PTPRN2: variants seen among roughly 807,000 people sequenced by gnomAD.
PTPRN2 encodes protein tyrosine phosphatase receptor type N2.
A neutral mutation model predicts 118.8 loss-of-function variants in PTPRN2; 74 were observed. The ratio of observed to expected loss-of-function variants is 0.62; its 90% confidence interval spans 0.52 to 0.76. PTPRN2 has a LOEUF of 0.76. Ranked by LOEUF, PTPRN2 falls within the 30% of genes least tolerant of loss-of-function variation. The pLI, the probability that PTPRN2 is intolerant of heterozygous loss-of-function variation, is 0.00. For missense variants in PTPRN2, 1,481 were observed against 1,394.4 expected, an observed-to-expected ratio of 1.06 and a Z score of -0.99; for synonymous variants, 641 against 608.0, an observed-to-expected ratio of 1.05 and a Z score of -0.80.
rs770483134 is a variant in PTPRN2 at position 157,632,247 on chromosome 7, C to T, written c.2197-10738G>A. 1.4e-4 allele frequency among the ~76,000 whole-genome samples: 22 copies of T among 152,202 alleles called. No individual in the cohort carries two copies. The highest frequency in any genetic ancestry group is 4.4e-5 in the Non-Finnish European group (3 of 68,040). On this transcript the variant is annotated intron_variant, in intron 14 of 22. Transcript: ENST00000389418. The surrounding 1 kb of genome is among the most constrained non-coding windows in gnomAD (Gnocchi z 4.3). ...CACAGCCGGCCCAGTCTCTGCCTCACCTCTAGAAGGACTGCATGAAGACCT... is the reference window on the plus strand; with the variant it reads ...CACAGCCGGCCCAGTCTCTGCCTCATCTCTAGAAGGACTGCATGAAGACCT...
rs147788091 is a variant in PTPRN2 at position 158,474,664 on chromosome 7, G to A, written c.163+15071C>T. Among the ~76,000 whole-genome samples, 713 of 152,210 alleles carry A rather than the reference G, an allele frequency of 4.7e-3. 4 individuals are homozygous for A. The highest frequency in any genetic ancestry group is 7.9e-3 in the Non-Finnish European group (536 of 67,994). On this transcript the variant is annotated intron_variant, in intron 2 of 22. Coordinates refer to ENST00000389418, the MANE Select transcript of PTPRN2 (RefSeq NM_002847.5). ...CTCTTCCCAAGGTCAGCTAAGAGGC[G>A]GGTGCCCGTCTGAGAGGGACCCTTT...
At chr7:158,127,313 C>T (rs1048785886) in intron 9 of PTPRN2, among the ~76,000 whole-genome samples, 1 of 150,812 alleles carries the variant, frequency 6.6e-6, no homozygotes, top group Non-Finnish European at 1.5e-5. Context: ...GTGCACCCTG[C>T]GTCCTCCTCT....
At chr7:158,431,283 C>T (rs1816152680) in intron 2 of PTPRN2, among the ~76,000 whole-genome samples, 1 of 149,804 alleles carries the variant, frequency 6.7e-6, no homozygotes, top group Admixed American at 6.6e-5. Context: ...TCAACACTGG[C>T]TCAAACTGGG....
At chr7:158,330,682 A>T (rs1804186355) in intron 2 of PTPRN2, among the ~76,000 whole-genome samples, 3 of 100,978 alleles carry the variant, frequency 3.0e-5, no homozygotes, top group African/African-American at 9.1e-5. Context: ...GCTGAGGCAC[A>T]AAGAGGTCAC....
chr7:158,491,911 G>A (rs1483788723), intron 1 of PTPRN2, among the ~76,000 whole-genome samples: 1 of 152,232 alleles, frequency 6.6e-6, no homozygotes, highest in Non-Finnish European at 1.5e-5. Context: ...CGGCCTACAG[G>A]AGCGTGGCAG....
At chr7:158,530,064 A>C (rs1197690083) in intron 1 of PTPRN2, among the ~76,000 whole-genome samples, 1 of 152,210 alleles carries the variant, frequency 6.6e-6, no homozygotes, top group Non-Finnish European at 1.5e-5. Context: ...GAGGGAAAAC[A>C]GAGAGAATGC....
rs533543083 is a variant in PTPRN2 at position 158,509,501 on chromosome 7, T to C, written c.113-19716A>G. On this transcript the variant is annotated intron_variant, in intron 1 of 22. Coordinates refer to ENST00000389418, the MANE Select transcript of PTPRN2 (RefSeq NM_002847.5). The surrounding 1 kb of genome is among the most constrained non-coding windows in gnomAD (Gnocchi z 4.4). ...CACACTGGGACTTGGTGTCCAGTCC[T>C]CATCTCTTCTTTCTAGAAACCCAAG... 6.6e-5 allele frequency among the ~76,000 whole-genome samples: 10 copies of C among 152,356 alleles called. No homozygotes were observed. Among genetic ancestry groups the C allele is most frequent in the African/African-American group, 2.2e-4 (9 of 41,580 alleles).
At chr7:157,942,168 C>T (rs1394657111) in intron 11 of PTPRN2, among the ~76,000 whole-genome samples, 1 of 35,524 alleles carries the variant, frequency 2.8e-5, no homozygotes, top group East Asian at 1.7e-3. Flanking sequence ...CCTCCACACA[C>T]AGGGGTCCTC....
chr7:158,071,073 TGGTGG>T (rs1811399487), intron 11 of PTPRN2, among the ~76,000 whole-genome samples: 1 of 80,052 alleles, frequency 1.2e-5, no homozygotes, highest in African/African-American at 6.1e-5. Flanking sequence ...GTGCTCGTGG[TGGTGG>T]AGGTGCCCGT....
At chr7:157,969,935 C>T (rs541568449) in intron 11 of PTPRN2, among the ~76,000 whole-genome samples, 7 of 152,144 alleles carry the variant, frequency 4.6e-5, no homozygotes, top group African/African-American at 1.7e-4. Flanking sequence ...CTGCCAGACT[C>T]CTGAGGCCAA....
At position 158,438,073 on chromosome 7, in the gene PTPRN2, A is replaced by G. The variant is rs1816698586; in HGVS notation, c.163+51662T>C. ...TGGGCTCCCTAACAGTGCCCCTCCG[A>G]TGGGTCTTTTTTAAGTTTTTTTGGC... On this transcript the variant is annotated intron_variant, in intron 2 of 22. Coordinates refer to ENST00000389418, the MANE Select transcript of PTPRN2 (RefSeq NM_002847.5). This position sits in a 1 kb window ranked among gnomAD's most constrained non-coding sequence, Gnocchi z 4.7. Among the ~76,000 whole-genome samples the G allele has an allele frequency of 6.6e-6, 1 of 152,042 alleles. No individual in the cohort carries two copies. Among genetic ancestry groups the G allele is most frequent in the Non-Finnish European group, 1.5e-5 (1 of 68,000 alleles).
chr7:157,992,331 T>C (rs553423839), intron 11 of PTPRN2, among the ~76,000 whole-genome samples: 2 of 152,214 alleles, frequency 1.3e-5, no homozygotes, highest in East Asian at 1.9e-4. Context: ...TGGCCCCGAG[T>C]CTCTCGCTCT....
intron 1 of PTPRN2, among the ~76,000 whole-genome samples, chr7:158,531,341 G>A (rs952183042): frequency 1.1e-4 from 17 of 152,178 alleles, no homozygotes; most frequent in African/African-American, 3.4e-4. Context: ...CTCCAGAGTC[G>A]AGCTCAAGCC....
chr7:158,011,198 G>C (rs1806024702), intron 11 of PTPRN2, among the ~76,000 whole-genome samples: 1 of 152,240 alleles, frequency 6.6e-6, no homozygotes, highest in Non-Finnish European at 1.5e-5. Context: ...AAAGACATCA[G>C]ATGTGCCTGT....
intron 3 of PTPRN2, among the ~76,000 whole-genome samples, chr7:158,255,858 C>G (rs952889099): frequency 6.6e-6 from 1 of 152,150 alleles, no homozygotes. Flanking sequence ...CCCGTCCTCA[C>G]TGCCTGACTA....
chr7:157,835,884 C>T (rs1451791579), intron 12 of PTPRN2, among the ~76,000 whole-genome samples: 5 of 152,142 alleles, frequency 3.3e-5, no homozygotes, highest in Non-Finnish European at 4.4e-5. Context: ...AACATGAGAG[C>T]GATTGACAAA....
intron 2 of PTPRN2, among the ~76,000 whole-genome samples, chr7:158,385,305 G>GA (rs5888752): frequency 6.6e-6 from 1 of 151,818 alleles, no homozygotes; most frequent in African/African-American, 2.4e-5. Flanking sequence ...GACACCACTG[G>GA]AAAAAAAAAG....
chr7:158,408,323 A>G (rs1417106799), intron 2 of PTPRN2, among the ~76,000 whole-genome samples: 1 of 152,264 alleles, frequency 6.6e-6, no homozygotes, highest in African/African-American at 2.4e-5. Context: ...ATAAGCCAAA[A>G]GTATAAAGGA....
intron 2 of PTPRN2, among the ~76,000 whole-genome samples, chr7:158,454,020 C>G (rs1276469547): frequency 1.7e-4 from 22 of 130,466 alleles, no homozygotes; most frequent in South Asian, 5.5e-4. Flanking sequence ...TCACCGATGT[C>G]AGGATTGGGG....
Sources: allele counts gnomAD v4.1 joint callset (sites outside exome capture counted in the v4.1 genomes callset), GRCh38; gene constraint gnomAD v4.1.1; non-coding constraint Gnocchi (gnomAD v3.1); transcripts MANE v1.5; gene names NCBI Gene and HGNC (gene_info 2026-07-23, HGNC 2026-07-21).